ANKRD36B: variants seen among roughly 807,000 people sequenced by gnomAD.
ANKRD36B encodes ankyrin repeat domain 36B, also known as ankyrin repeat domain-containing protein 36B.
Under a neutral mutation model 135.7 loss-of-function variants are expected in ANKRD36B, and 37 were observed. The observed-to-expected ratio is 0.27, with a 90% CI of 0.21 to 0.36. The LOEUF (loss-of-function observed/expected upper bound fraction) is 0.36, where lower values mean the gene tolerates loss of function less well. Among genes scored for constraint, ANKRD36B ranks in the 10% least tolerant of loss-of-function variants. ANKRD36B has a pLI of 1.00. For synonymous variants in ANKRD36B, 179 were observed against 348.1 expected (o/e 0.51, Z 5.41); for missense variants, 549 against 1,037.1 (o/e 0.53, Z 6.46).
intron 6 of ANKRD36B, among the ~76,000 whole-genome samples, chr2:97,567,291 T>G (rs2104843105): frequency 6.7e-6 from 1 of 148,326 alleles, no homozygotes; most frequent in South Asian, 2.2e-4. Flanking sequence ...ACCTGGATGC[T>G]CTCCAAATCC....
chr2:97,571,218 C>T (rs1400829121), intron 6 of ANKRD36B, among the ~76,000 whole-genome samples: 1 of 152,180 alleles, frequency 6.6e-6, no homozygotes, highest in African/African-American at 2.4e-5. Flanking sequence ...ATGACACGCA[C>T]CTGTAGTCCC....
Position 97,589,826 on chromosome 2 carries a change from C to G in ANKRD36B, c.-141G>C. The G allele has an allele frequency of 8.0e-7, 1 of 1,246,720 alleles. No individual in the cohort carries two copies. Among genetic ancestry groups the G allele is most frequent in the Non-Finnish European group, 1.1e-6 (1 of 890,440 alleles). The allele number at this position is 1,246,720 out of a possible 1,614,324, so 77.2% of individuals were successfully genotyped here. ...GGCAAAGCAGTCTGTGCACGGACCT[C>G]CGCGCAGACTCTCAGCGCCTCCCGC... On this transcript the variant is annotated 5_prime_UTR_variant, in exon 1 of 44. Transcript: ENST00000359901.
At chr2:97,531,258 GA>G (rs1446852313) in intron 35 of ANKRD36B, among the ~76,000 whole-genome samples, 1 of 88,586 alleles carries the variant, frequency 1.1e-5, no homozygotes, top group African/African-American at 3.4e-5. Flanking sequence ...CCTTTGTAGG[GA>G]CATGGATGAA....
Position 97,494,009 on chromosome 2 carries a change from C to T in ANKRD36B, c.*7-1154G>A, listed in dbSNP as rs528619249. 4.8e-3 allele frequency among the ~76,000 whole-genome samples: 510 copies of T among 106,434 alleles called. 2 individuals are homozygous for T. Among genetic ancestry groups the T allele is most frequent in the African/African-American group, 0.013 (482 of 37,964 alleles). 69.8% of individuals were successfully genotyped at this position (106,434 alleles called of 152,430 possible). On this transcript the variant is annotated intron_variant, in intron 43 of 43. Coordinates refer to ENST00000359901, the MANE Select transcript of ANKRD36B (RefSeq NM_001393939.1). Reference sequence around the variant, plus strand: ...TTCATATTCCTATTATCATTTTGGTCGACCACTTAACCAAGGTCTAATTAA... The same window carrying T: ...TTCATATTCCTATTATCATTTTGGTTGACCACTTAACCAAGGTCTAATTAA...
rs182606378 is a variant in ANKRD36B at position 97,535,295 on chromosome 2, A to C, written c.2191+1005T>G. 9.2e-4 allele frequency among the ~76,000 whole-genome samples: 93 copies of C among 101,126 alleles called. 17 individuals carry two copies. The highest frequency in any genetic ancestry group is 2.1e-3 in the African/African-American group (73 of 35,010). 66.3% of individuals were successfully genotyped at this position (101,126 alleles called of 152,430 possible). On this transcript the variant is annotated intron_variant, in intron 34 of 43. Coordinates refer to ENST00000359901, the MANE Select transcript of ANKRD36B (RefSeq NM_001393939.1). ...ACTACAGTCAGAAATAACTTGTTGT[A>C]CATTTTAGGATTACTGAGGAAGTAC...
chr2:97,563,735 C>G (rs1343933800), intron 6 of ANKRD36B, among the ~76,000 whole-genome samples: 6 of 152,106 alleles, frequency 3.9e-5, no homozygotes, highest in Admixed American at 3.9e-4. Context: ...AAGGGGGAAA[C>G]AGTTGCAATC....
At chr2:97,553,729 C>A (rs1225145597) in intron 14 of ANKRD36B, among the ~76,000 whole-genome samples, 2 of 151,930 alleles carry the variant, frequency 1.3e-5, no homozygotes, top group Non-Finnish European at 2.9e-5. Flanking sequence ...GTGGCACATG[C>A]ACCCACATGT....
intron 20 of ANKRD36B, 128 bp downstream of exon 20, chr2:97,549,291 A>C (rs1236258910): frequency 9.7e-6 from 12 of 1,233,786 alleles, no homozygotes; most frequent in South Asian, 1.4e-5. Flanking sequence ...ACTTACTACA[A>C]ATGAAGAATC....
At chr2:97,557,051 A>C (rs2080595128) in intron 11 of ANKRD36B, 42 bp from the exon 12 acceptor site, 1 of 1,546,986 alleles carries the variant, frequency 6.5e-7, no homozygotes, top group South Asian at 1.2e-5. Context: ...CATAATATAT[A>C]TTTCATAGGC....
intron 22 of ANKRD36B, 140 bp downstream of exon 22, chr2:97,547,396 G>A (rs564432238): frequency 2.1e-5 from 22 of 1,036,776 alleles, no homozygotes; most frequent in Non-Finnish European, 2.8e-5. Context: ...TATCACCCAC[G>A]AACTTATTTG....
intron 6 of ANKRD36B, among the ~76,000 whole-genome samples, chr2:97,565,210 T>C (rs901833520): frequency 4.6e-5 from 7 of 152,182 alleles, no homozygotes; most frequent in Non-Finnish European, 4.4e-5. Flanking sequence ...ACATTGACTT[T>C]GTATCCTGAG....
At chr2:97,563,019 G>C (rs1265323695) in intron 6 of ANKRD36B, among the ~76,000 whole-genome samples, 1 of 151,924 alleles carries the variant, frequency 6.6e-6, no homozygotes, top group Admixed American at 6.6e-5. Context: ...ACAGTACTGA[G>C]CAATAAACTA....
intron 34 of ANKRD36B, among the ~76,000 whole-genome samples, chr2:97,535,191 G>GA (rs2078800913): frequency 2.0e-5 from 2 of 99,944 alleles, no homozygotes; most frequent in South Asian, 4.7e-4. Context: ...GGGGTGGTAG[G>GA]AAAAGAGGAT....
rs774487318 is a variant in ANKRD36B, at chr2:97,547,597, G to A, written c.1518C>T (p.Asp506=). 178 of 1,572,186 alleles carry A rather than the reference G, an allele frequency of 1.1e-4. No homozygotes were observed. Among genetic ancestry groups the A allele is most frequent in the Middle Eastern group, 4.6e-4 (2 of 4,356 alleles). ...CTATATTCAAAAGAGAATCTTTCTC[G>A]TCTCTTGTAGCCTGAATGGAATTTG... The part of the protein sequence containing the change: ...EQPPGLKATR[D]EKDSLLNIAR... Residue 506 remains aspartate, a synonymous_variant, in exon 22 of 44, where the codon GAC becomes GAT. Transcript: ENST00000359901.
intron 18 of ANKRD36B, 113 bp from the exon 19 acceptor site, chr2:97,549,727 T>A: frequency 6.4e-7 from 1 of 1,553,074 alleles, no homozygotes; most frequent in Non-Finnish European, 8.7e-7. Flanking sequence ...TAGCGTAGGC[T>A]TTGATGGCTT....
Position 97,584,990 on chromosome 2 carries a change from A to G in ANKRD36B, c.404T>C (p.Ile135Thr), listed in dbSNP as rs944398659. ...YAVYNEDTSM[I>T]EKLLSHGTNI... ...TGTACCATGTGAAAGAAGTTTTTCT[A>G]TCATGGATGTATCTTCATTATACAC... The change falls in exon 3 of 44, where the codon ATA (isoleucine) becomes ACA (threonine). Residue 135 changes from isoleucine (I) to threonine (T), a missense_variant. Physicochemically the swap from Ile to Thr is moderately conservative, Grantham distance 89 (BLOSUM62 -1). Coordinates refer to ENST00000359901, the MANE Select transcript of ANKRD36B (RefSeq NM_001393939.1). 9 of 1,608,582 alleles carry G rather than the reference A, an allele frequency of 5.6e-6. No homozygotes were observed. In the African/African-American group the frequency reaches 1.2e-4, roughly 22 times the overall value.
At chr2:97,568,793 A>C (rs1278485617) in intron 6 of ANKRD36B, among the ~76,000 whole-genome samples, 2 of 151,962 alleles carry the variant, frequency 1.3e-5, no homozygotes, top group Non-Finnish European at 2.9e-5. Context: ...CTAGTGGGAA[A>C]AACAACAACA....
chr2:97,538,656 G>C lies in ANKRD36B; in HGVS notation c.1988-293C>G, dbSNP rs1414192782. 2.1e-5 allele frequency among the ~76,000 whole-genome samples: 2 copies of C among 97,182 alleles called. 1 individual carries two copies. The highest frequency in any genetic ancestry group is 6.1e-5 in the African/African-American group (2 of 32,536). 63.8% of individuals were successfully genotyped at this position (97,182 alleles called of 152,430 possible). ...ATGTGGATATGCTGAATGATGAAAA[G>C]AAATGTGATCTAAAATCAGAGGAGC... On this transcript the variant is annotated intron_variant, in intron 30 of 43. Transcript: ENST00000359901.
chr2:97,546,948 A>C (rs2104585416), intron 22 of ANKRD36B, among the ~76,000 whole-genome samples: 1 of 151,766 alleles, frequency 6.6e-6, no homozygotes, highest in South Asian at 2.1e-4. Flanking sequence ...TAGTTCCTGG[A>C]GCAGCCAAAA....
Sources: allele counts gnomAD v4.1 joint callset (sites outside exome capture counted in the v4.1 genomes callset), GRCh38; gene constraint gnomAD v4.1.1; transcripts MANE v1.5; gene names NCBI Gene and HGNC (gene_info 2026-07-23, HGNC 2026-07-21).